Variants in BCL2L1 observed in about 807,000 individuals in gnomAD.
BCL2L1 encodes the protein BCL2 like 1.
BCL2L1 carries 1 observed loss-of-function variant against 18.7 expected under a neutral mutation model. That is an observed-to-expected ratio of 0.05 (90% CI 0.02 to 0.25). BCL2L1 has a LOEUF of 0.25. Ranked by LOEUF, BCL2L1 falls within the 10% of genes least tolerant of loss-of-function variation. BCL2L1 has a pLI of 1.00. For missense variants in BCL2L1, 207 were observed against 304.9 expected (o/e 0.68, Z 2.39); for synonymous variants, 103 against 122.7 (o/e 0.84, Z 1.06).
chr20:31,709,355 C>G (rs1035072574), intron 2 of BCL2L1, among the ~76,000 whole-genome samples: 1 of 151,994 alleles, frequency 6.6e-6, no homozygotes, highest in Admixed American at 6.6e-5. Flanking sequence ...GTGTAACTAG[C>G]CTGATCTTTT....
At chr20:31,685,729 C>A (rs569311547) in intron 2 of BCL2L1, among the ~76,000 whole-genome samples, 13 of 152,212 alleles carry the variant, frequency 8.5e-5, no homozygotes, top group African/African-American at 2.9e-4. Context: ...TATCTCCGGG[C>A]CCTTTTTTTT....
chr20:31,694,451 G>A (rs987306262), intron 2 of BCL2L1, among the ~76,000 whole-genome samples: 1 of 152,062 alleles, frequency 6.6e-6, no homozygotes, highest in Non-Finnish European at 1.5e-5. Context: ...AATGCTCCCC[G>A]AAAGCTGTCT....
intron 2 of BCL2L1, among the ~76,000 whole-genome samples, chr20:31,678,219 CCTT>C (rs1204838457): frequency 6.6e-5 from 10 of 152,180 alleles, no homozygotes; most frequent in African/African-American, 2.4e-4. Context: ...AGCAGCTTCT[CCTT>C]CCTCCTCTCC....
At chr20:31,676,486 C>A (rs1293473679) in intron 2 of BCL2L1, among the ~76,000 whole-genome samples, 1 of 152,066 alleles carries the variant, frequency 6.6e-6, no homozygotes, top group East Asian at 1.9e-4. Context: ...ATAGGCTCAT[C>A]CCCTGGGATT....
chr20:31,690,973 ACCC>A (rs2061057876), intron 2 of BCL2L1, among the ~76,000 whole-genome samples: 1 of 151,092 alleles, frequency 6.6e-6, no homozygotes, highest in East Asian at 2.0e-4. Context: ...ACATGGTGAA[ACCC>A]CGTCTCTACT....
At chr20:31,703,606 C>T (rs1303534105) in intron 2 of BCL2L1, among the ~76,000 whole-genome samples, 1 of 151,572 alleles carries the variant, frequency 6.6e-6, no homozygotes, top group Admixed American at 6.6e-5. Context: ...ATTCTCCTGC[C>T]TCAGCCTCCC....
chr20:31,721,581 T>C (rs2061631783), intron 2 of BCL2L1, 74 bp downstream of exon 2: 1 of 1,484,940 alleles, frequency 6.7e-7, no homozygotes, highest in Non-Finnish European at 9.0e-7. Context: ...CAGAAAGAGA[T>C]ACAGAAGAAG....
intron 2 of BCL2L1, among the ~76,000 whole-genome samples, chr20:31,679,979 C>A (rs541711938): frequency 6.6e-6 from 1 of 152,162 alleles, no homozygotes; most frequent in African/African-American, 2.4e-5. Context: ...CTGCACCCAG[C>A]CTGTTTTTTT....
intron 2 of BCL2L1, among the ~76,000 whole-genome samples, chr20:31,702,886 C>T (rs1239390611): frequency 7.0e-6 from 1 of 143,264 alleles, no homozygotes; most frequent in Non-Finnish European, 1.5e-5. Flanking sequence ...GCGGAGGTTG[C>T]AGTGAGCCGA....
intron 2 of BCL2L1, among the ~76,000 whole-genome samples, chr20:31,674,879 A>AG (rs2060733845): frequency 6.6e-6 from 1 of 151,296 alleles, no homozygotes; most frequent in Admixed American, 6.6e-5. Context: ...CGTCTCAAAA[A>AG]AAAAAAAAAA....
At chr20:31,670,179 A>G (rs2060645617) in intron 2 of BCL2L1, among the ~76,000 whole-genome samples, 1 of 152,146 alleles carries the variant, frequency 6.6e-6, no homozygotes, top group African/African-American at 2.4e-5. Context: ...GGCCGTGGCT[A>G]TGCTTCCCTG....
At chr20:31,678,218 T>G (rs2060795451) in intron 2 of BCL2L1, among the ~76,000 whole-genome samples, 1 of 152,170 alleles carries the variant, frequency 6.6e-6, no homozygotes, top group Non-Finnish European at 1.5e-5. Context: ...AAGCAGCTTC[T>G]CCTTCCTCCT....
At chr20:31,704,984 A>T (rs927893620) in intron 2 of BCL2L1, among the ~76,000 whole-genome samples, 1 of 152,206 alleles carries the variant, frequency 6.6e-6, no homozygotes, top group Non-Finnish European at 1.5e-5. Flanking sequence ...CTGAGCTCAG[A>T]ATTCAGTGGA....
chr20:31,675,886 T>C (rs1568854938), intron 2 of BCL2L1, among the ~76,000 whole-genome samples: 1 of 152,216 alleles, frequency 6.6e-6, no homozygotes, highest in Non-Finnish European at 1.5e-5. Context: ...CATGTTTATC[T>C]TCCTCCAACT....
At position 31,720,879 on chromosome 20, in the gene BCL2L1, GAAAGT is replaced by G. The variant is rs1298723292; in HGVS notation, c.564+771_564+775del. On this transcript the variant is annotated intron_variant, in intron 2 of 2. Transcript: ENST00000307677. ...TGAAGAGGCCCCTGGGCTCTGGCCG[GAAAGT>G]AACAGGCAGAGCAGCTGGAGCTCCC... The G allele has an allele frequency of 1.2e-5, 12 of 985,312 alleles. No individual in the cohort carries two copies. The South Asian group carries it at 1.9e-4, about 15-fold the overall frequency. 61.0% of individuals were successfully genotyped at this position (985,312 alleles called of 1,614,324 possible). A position where few individuals can be genotyped will look rare whatever the true frequency, so the allele number is the denominator to read the frequency against.
At chr20:31,678,214 C>T (rs930022583) in intron 2 of BCL2L1, among the ~76,000 whole-genome samples, 11 of 152,150 alleles carry the variant, frequency 7.2e-5, no homozygotes, top group Non-Finnish European at 1.5e-5. Flanking sequence ...TCCAAAGCAG[C>T]TTCTCCTTCC....
chr20:31,701,165 T>C (rs1255791327), intron 2 of BCL2L1, among the ~76,000 whole-genome samples: 1 of 152,162 alleles, frequency 6.6e-6, no homozygotes, highest in African/African-American at 2.4e-5. Flanking sequence ...GCGATTCTCC[T>C]GCCTCAGCCT....
intron 2 of BCL2L1, among the ~76,000 whole-genome samples, chr20:31,669,168 G>A (rs1015501745): frequency 6.6e-6 from 1 of 151,912 alleles, no homozygotes; most frequent in African/African-American, 2.4e-5. Context: ...TGATCCTCCT[G>A]CCCCAGCCTC....
chr20:31,664,541 TG>T lies in BCL2L1; in HGVS notation c.*1407del, dbSNP rs1355842491. The T allele has an allele frequency of 1.1e-5, 2 of 176,260 alleles. No homozygotes were observed. The highest frequency in any genetic ancestry group is 2.4e-5 in the Non-Finnish European group (2 of 84,944). 10.9% of individuals were successfully genotyped at this position (176,260 alleles called of 1,614,324 possible). ...TCAAAGAGCTGGAACAAGTGTGGGG[TG>T]GGGGTTGGGGGAGGGGCAGATGCCC... On this transcript the variant is annotated 3_prime_UTR_variant, in exon 3 of 3. Transcript: ENST00000307677.
Sources: gnomAD v4.1 joint callset for allele counts (sites outside exome capture counted in the v4.1 genomes callset) on GRCh38, gnomAD v4.1.1 for gene constraint, MANE v1.5 for transcripts, NCBI Gene and HGNC (gene_info 2026-07-23, HGNC 2026-07-21) for gene names.